The following HAVCR2 variants were observed in gnomAD, a reference collection of about 807,000 sequenced individuals.
The protein encoded by HAVCR2 is T cell immunoglobulin mucin 3.
HAVCR2 carries 13 observed loss-of-function variants against 24.7 expected under a neutral mutation model. That is an observed-to-expected ratio of 0.53 (90% CI 0.34 to 0.84). The LOEUF (loss-of-function observed/expected upper bound fraction) is 0.84. HAVCR2 is among the 40% of genes least tolerant of loss of function. HAVCR2 has a pLI of 0.01. For missense variants in HAVCR2, 343 were observed against 371.2 expected, an observed-to-expected ratio of 0.92 and a Z score of 0.62; for synonymous variants, 154 against 143.4, an observed-to-expected ratio of 1.07 and a Z score of -0.53.
At position 157,095,299 on chromosome 5, in the gene HAVCR2, C is replaced by T; in HGVS notation, c.676+7G>A. 1 of 1,612,928 alleles carries T rather than the reference C, an allele frequency of 6.2e-7. No homozygotes were observed. Among genetic ancestry groups the T allele is most frequent in the Non-Finnish European group, 8.5e-7 (1 of 1,179,596 alleles). On this transcript the variant is annotated splice_region_variant and intron_variant, in intron 5 of 6. Transcript: ENST00000307851. ...TATCAGAGGGAGAGAGAAACAAAAACACTTACATTTGAAAATTAAAGCGCC... is the reference window on the plus strand; with the variant it reads ...TATCAGAGGGAGAGAGAAACAAAAATACTTACATTTGAAAATTAAAGCGCC...
At position 157,104,707 on chromosome 5, in the gene HAVCR2, G is replaced by T; in HGVS notation, c.437C>A (p.Ala146Glu). The T allele has an allele frequency of 1.2e-6, 2 of 1,605,182 alleles. No individual in the cohort carries two copies. Among genetic ancestry groups the T allele is most frequent in the Non-Finnish European group, 1.7e-6 (2 of 1,175,302 alleles). ...GGTGGTAAGCATCCTTGGAAAGGCTGCAGTGAAGTCTCTCTGCCGAGTCGG... is the reference window on the plus strand; with the variant it reads ...GGTGGTAAGCATCCTTGGAAAGGCTTCAGTGAAGTCTCTCTGCCGAGTCGG... ...PAPTRQRDFT[A>E]AFPRMLTTRG... is the part of the protein sequence containing the mutation. Residue 146 changes from alanine (A) to glutamate (E), a missense_variant, in exon 3 of 7, where the codon GCA becomes GAA. Physicochemically the swap from Ala to Glu is moderately radical, Grantham distance 107. Transcript: ENST00000307851.
chr5:157,108,520 G>GA (rs1024137147), intron 1 of HAVCR2, among the ~76,000 whole-genome samples: 2 of 151,294 alleles, frequency 1.3e-5, no homozygotes, highest in Non-Finnish European at 1.5e-5. Context: ...AAAAGAAAAA[G>GA]AAAAAAAGGA....
At chr5:157,094,114 ACT>A (rs1045083102) in intron 5 of HAVCR2, among the ~76,000 whole-genome samples, 1 of 146,394 alleles carries the variant, frequency 6.8e-6, no homozygotes, top group Non-Finnish European at 1.5e-5. Context: ...ATCACCGCTC[ACT>A]GCAGCCTCCT....
Position 157,109,026 on chromosome 5 carries a change from C to G in HAVCR2, c.-43G>C, listed in dbSNP as rs1369906344. On this transcript the variant is annotated 5_prime_UTR_variant, in exon 1 of 7. Transcript: ENST00000307851. ...AGTCAGAGGACACCTCTGTTAGGCA[C>G]AGTTTTAACTCTCCAAATGGACTGG... 4.5e-6 allele frequency: 7 copies of G among 1,569,700 alleles called. No individual in the cohort carries two copies. Among genetic ancestry groups the G allele is most frequent in the Non-Finnish European group, 6.1e-6 (7 of 1,140,198 alleles).
At position 157,100,879 on chromosome 5, in the gene HAVCR2, C is replaced by T. The variant is rs1408846562; in HGVS notation, c.479-1978G>A. On this transcript the variant is annotated intron_variant, in intron 3 of 6. Transcript: ENST00000307851. ...TGGGAGGCCGAGGGCAGGCAGATCA[C>T]GAGGTCAGGAGATCGAGACCATCCT... 2.6e-5 allele frequency among the ~76,000 whole-genome samples: 4 copies of T among 152,190 alleles called. No homozygotes were observed. In the East Asian group the frequency reaches 7.7e-4, roughly 29 times the overall value.
chr5:157,092,173 CAT>C (rs1369636731), intron 5 of HAVCR2, among the ~76,000 whole-genome samples: 1 of 148,870 alleles, frequency 6.7e-6, no homozygotes, highest in Admixed American at 6.7e-5. Flanking sequence ...TACACACACA[CAT>C]ATATATATAA....
At chr5:157,090,472 G>A (rs778947738) in intron 5 of HAVCR2, among the ~76,000 whole-genome samples, 33 of 152,176 alleles carry the variant, frequency 2.2e-4, no homozygotes, top group East Asian at 3.9e-4. Flanking sequence ...GCACATGCCC[G>A]TGGTCCTAGC....
intron 5 of HAVCR2, among the ~76,000 whole-genome samples, 158 bp downstream of exon 5, chr5:157,095,148 A>AC (rs1757075953): frequency 6.6e-6 from 1 of 152,198 alleles, no homozygotes; most frequent in Non-Finnish European, 1.5e-5. Context: ...TAAATATTAA[A>AC]TAAAAATTAG....
At chr5:157,090,020 G>T (rs994701077) in intron 5 of HAVCR2, among the ~76,000 whole-genome samples, 1 of 151,918 alleles carries the variant, frequency 6.6e-6, no homozygotes, top group Non-Finnish European at 1.5e-5. Context: ...CAGGAATCCA[G>T]GTGTGGCTTA....
rs1756908755 is a variant in HAVCR2 at position 157,086,104 on chromosome 5, A to G, written c.*998T>C. 7.0e-6 allele frequency: 1 copy of G among 141,986 alleles called. No individual in the cohort carries two copies. Among genetic ancestry groups the G allele is most frequent in the South Asian group, 2.1e-4 (1 of 4,826 alleles). The allele number at this position is 141,986 out of a possible 1,614,324, so 8.8% of individuals were successfully genotyped here. The stretch of plus-strand genomic sequence containing the variant: ...TGGTCCACGAATACAGAAGTTGGTC[A>G]GAGATATTTTCTTTCAAGCACACAA... On this transcript the variant is annotated 3_prime_UTR_variant, in exon 7 of 7. Transcript: ENST00000307851.
intron 5 of HAVCR2, 24 bp from the exon 6 acceptor site, chr5:157,089,001 A>T: frequency 6.3e-7 from 1 of 1,590,060 alleles, no homozygotes; most frequent in South Asian, 1.1e-5. Context: ...AACAAAAGCC[A>T]ATAAAAATGC....
Position 157,108,356 on chromosome 5 carries a change from C to A in HAVCR2, c.58+570G>T, listed in dbSNP as rs186524348. Among the ~76,000 whole-genome samples the A allele has an allele frequency of 1.9e-3, 285 of 152,066 alleles. 1 individual carries two copies. The highest frequency in any genetic ancestry group is 8.2e-4 in the Non-Finnish European group (56 of 67,986). On this transcript the variant is annotated intron_variant, in intron 1 of 6. Coordinates refer to ENST00000307851, the MANE Select transcript of HAVCR2 (RefSeq NM_032782.5). ...AACATTAGCTGGGTGTGGTGGTGCACGCCTGTGATCCCAGCTACTCCGGTG... is the reference window on the plus strand; with the variant it reads ...AACATTAGCTGGGTGTGGTGGTGCAAGCCTGTGATCCCAGCTACTCCGGTG...
At chr5:157,101,401 G>A (rs1757163732) in intron 3 of HAVCR2, among the ~76,000 whole-genome samples, 1 of 152,204 alleles carries the variant, frequency 6.6e-6, no homozygotes, top group Admixed American at 6.5e-5. Flanking sequence ...GGGGCAGGTA[G>A]CAGCGGAGGT....
intron 2 of HAVCR2, 147 bp downstream of exon 2, chr5:157,106,480 C>T (rs1303672316): frequency 1.5e-6 from 1 of 648,880 alleles, no homozygotes; most frequent in Admixed American, 2.7e-5. Flanking sequence ...CACTGAGCAT[C>T]ACCAATGGGG....
chr5:157,091,623 C>T (rs977710625), intron 5 of HAVCR2, among the ~76,000 whole-genome samples: 3 of 151,762 alleles, frequency 2.0e-5, no homozygotes, highest in African/African-American at 4.8e-5. Context: ...GCTGTGAGAA[C>T]GAGTTGAGAA....
chr5:157,101,936 C>G (rs985894143), intron 3 of HAVCR2, among the ~76,000 whole-genome samples: 1 of 148,394 alleles, frequency 6.7e-6, no homozygotes, highest in South Asian at 2.2e-4. Context: ...CCACCATGCC[C>G]GGCTATTTTT....
intron 4 of HAVCR2, among the ~76,000 whole-genome samples, chr5:157,098,053 C>T (rs1260323614): frequency 1.3e-5 from 2 of 152,002 alleles, no homozygotes; most frequent in African/African-American, 4.8e-5. Context: ...GGGCGGATCA[C>T]CTGAGGTCAG....
chr5:157,093,790 T>G (rs6866856), intron 5 of HAVCR2, among the ~76,000 whole-genome samples: 5,187 of 152,012 alleles, frequency 0.034, 266 homozygotes, highest in African/African-American at 0.11. Flanking sequence ...ACTAAAAATA[T>G]AAAAATTAGC....
intron 3 of HAVCR2, among the ~76,000 whole-genome samples, chr5:157,103,995 A>G (rs1375898317): frequency 6.6e-6 from 1 of 152,138 alleles, no homozygotes; most frequent in African/African-American, 2.4e-5. Context: ...GATTTATGAG[A>G]TTTATGACAT....
Sources: allele counts gnomAD v4.1 joint callset (sites outside exome capture counted in the v4.1 genomes callset), GRCh38; gene constraint gnomAD v4.1.1; transcripts MANE v1.5; gene names NCBI Gene and HGNC (gene_info 2026-07-23, HGNC 2026-07-21).